Variants in CDK8 observed in about 807,000 individuals in gnomAD.
The protein encoded by CDK8 is cyclin-dependent kinase 8.
Under a neutral mutation model 71.5 loss-of-function variants are expected in CDK8, and 29 were observed. The ratio of observed to expected loss-of-function variants is 0.41; its 90% CI spans 0.30 to 0.55. The LOEUF (loss-of-function observed/expected upper bound fraction) is 0.55, where lower values mean the gene tolerates loss of function less well. Among genes scored for constraint, CDK8 ranks in the 20% least tolerant of loss-of-function variants. The pLI is 0.37. For missense variants in CDK8, 288 were observed against 572.6 expected (o/e 0.50, Z 5.07); for synonymous variants, 161 against 192.1 (o/e 0.84, Z 1.34).
At chr13:26,333,055 C>T (rs1872825125) in intron 1 of CDK8, among the ~76,000 whole-genome samples, 1 of 152,160 alleles carries the variant, frequency 6.6e-6, no homozygotes, top group Non-Finnish European at 1.5e-5. Context: ...ATTCTGCGTC[C>T]TCAAGGGAGA....
At chr13:26,392,421 G>A (rs1193185582) in intron 6 of CDK8, among the ~76,000 whole-genome samples, 2 of 147,428 alleles carry the variant, frequency 1.4e-5, no homozygotes, top group Admixed American at 1.4e-4. Flanking sequence ...TCTGCCTCCC[G>A]GGTTCAAGCA....
chr13:26,397,365 G>C (rs1876045804), intron 9 of CDK8, 140 bp downstream of exon 9: 1 of 584,136 alleles, frequency 1.7e-6, no homozygotes, highest in Admixed American at 3.6e-5. Flanking sequence ...GATCTTGTTA[G>C]TGCATACCAA....
At chr13:26,266,093 C>T (rs906309102) in intron 1 of CDK8, among the ~76,000 whole-genome samples, 3 of 152,028 alleles carry the variant, frequency 2.0e-5, no homozygotes, top group Non-Finnish European at 4.4e-5. Context: ...AGGTTTCTGG[C>T]TTGGGCAGCT....
At chr13:26,380,165 A>G (rs1461247686) in intron 4 of CDK8, among the ~76,000 whole-genome samples, 2 of 152,094 alleles carry the variant, frequency 1.3e-5, no homozygotes, top group East Asian at 3.9e-4. Flanking sequence ...AGGACCAATC[A>G]AAGTTAAAGT....
At chr13:26,357,702 G>C (rs750633315) in intron 4 of CDK8, among the ~76,000 whole-genome samples, 1 of 152,206 alleles carries the variant, frequency 6.6e-6, no homozygotes, top group Non-Finnish European at 1.5e-5. Context: ...AGTTGTGGAG[G>C]CTTGGTAAAT....
chr13:26,271,160 T>A (rs1228510371), intron 1 of CDK8, among the ~76,000 whole-genome samples: 1 of 152,232 alleles, frequency 6.6e-6, no homozygotes, highest in Non-Finnish European at 1.5e-5. Flanking sequence ...AATTAGGTTG[T>A]CTTTTTAGTA....
chr13:26,330,497 G>A (rs552249357), intron 1 of CDK8, among the ~76,000 whole-genome samples: 5 of 152,254 alleles, frequency 3.3e-5, no homozygotes, highest in Non-Finnish European at 5.9e-5. Flanking sequence ...GAGCTACCAC[G>A]CCCGGCTGAA....
intron 6 of CDK8, among the ~76,000 whole-genome samples, chr13:26,387,319 C>G (rs1243196680): frequency 1.3e-5 from 2 of 152,168 alleles, no homozygotes; most frequent in Non-Finnish European, 2.9e-5. Context: ...AAGCATTCTT[C>G]AACTGTTTGG....
intron 1 of CDK8, among the ~76,000 whole-genome samples, chr13:26,315,228 T>C (rs922844761): frequency 1.4e-4 from 22 of 152,224 alleles, no homozygotes; most frequent in African/African-American, 4.8e-4. Flanking sequence ...TAGTTTTATA[T>C]AAAGATCATA....
chr13:26,273,562 CAT>C (rs1414834347), intron 1 of CDK8, among the ~76,000 whole-genome samples: 2 of 151,882 alleles, frequency 1.3e-5, no homozygotes, highest in Non-Finnish European at 2.9e-5. Flanking sequence ...TATACATACA[CAT>C]ATATGATATA....
intron 1 of CDK8, among the ~76,000 whole-genome samples, chr13:26,336,550 CTT>C (rs1227344754): frequency 9.9e-5 from 12 of 121,180 alleles, no homozygotes; most frequent in African/African-American, 2.9e-4. Flanking sequence ...TCTGAGGAGT[CTT>C]TTTTTTTTTT....
intron 1 of CDK8, among the ~76,000 whole-genome samples, chr13:26,301,877 T>C (rs1216020932): frequency 6.6e-6 from 1 of 152,234 alleles, no homozygotes. Context: ...GCCATCATTG[T>C]ATTCTGAGTC....
intron 1 of CDK8, among the ~76,000 whole-genome samples, chr13:26,278,996 G>A (rs1052337908): frequency 5.9e-5 from 9 of 152,112 alleles, no homozygotes; most frequent in African/African-American, 1.4e-4. Context: ...CAGATACCAC[G>A]TCATTTTATG....
rs566444742 is a variant in CDK8, at chr13:26,259,646, A to G, written c.128+4877A>G. Among the ~76,000 whole-genome samples, 13 of 152,270 alleles carry G rather than the reference A, an allele frequency of 8.5e-5. No individual in the cohort carries two copies. In the South Asian group the frequency reaches 2.7e-3, roughly 32 times the overall value. On this transcript the variant is annotated intron_variant, in intron 1 of 12. Coordinates refer to ENST00000381527, the MANE Select transcript of CDK8 (RefSeq NM_001260.3). ...AGATATCAGTGCATTCAGATCCGCT[A>G]TTTAGGCCACGTTGAGATTTCATGC...
chr13:26,277,995 T>A (rs1322698524), intron 1 of CDK8, among the ~76,000 whole-genome samples: 1 of 152,100 alleles, frequency 6.6e-6, no homozygotes, highest in Non-Finnish European at 1.5e-5. Context: ...ACTTTGGCAC[T>A]AAACATAGGG....
intron 1 of CDK8, among the ~76,000 whole-genome samples, chr13:26,273,134 T>G (rs952237116): frequency 6.6e-6 from 1 of 152,216 alleles, no homozygotes; most frequent in African/African-American, 2.4e-5. Context: ...GTTGAACTTC[T>G]TTCTTTTGGT....
At chr13:26,265,581 T>C (rs1203025228) in intron 1 of CDK8, among the ~76,000 whole-genome samples, 1 of 152,154 alleles carries the variant, frequency 6.6e-6, no homozygotes, top group Non-Finnish European at 1.5e-5. Flanking sequence ...AGTAAGCAAG[T>C]TGCAACTGAA....
intron 1 of CDK8, among the ~76,000 whole-genome samples, chr13:26,311,620 T>C (rs1056305189): frequency 6.6e-6 from 1 of 152,208 alleles, no homozygotes; most frequent in Non-Finnish European, 1.5e-5. Flanking sequence ...GTCTTTCTCA[T>C]GGATACAAAA....
intron 6 of CDK8, among the ~76,000 whole-genome samples, chr13:26,392,475 G>A (rs910376518): frequency 6.6e-6 from 1 of 151,708 alleles, no homozygotes; most frequent in African/African-American, 2.4e-5. Flanking sequence ...CTATAGCCGC[G>A]TGCCGCCATG....
Sources: gnomAD v4.1 joint callset for allele counts (sites outside exome capture counted in the v4.1 genomes callset) on GRCh38, gnomAD v4.1.1 for gene constraint, MANE v1.5 for transcripts, NCBI Gene and HGNC (gene_info 2026-07-23, HGNC 2026-07-21) for gene names.